Variants in TRIM66 observed in about 807,000 individuals in gnomAD.
The protein encoded by TRIM66 is tripartite motif-containing protein 66.
A neutral mutation model predicts 148.2 loss-of-function variants in TRIM66; 99 were observed. The ratio of observed to expected loss-of-function variants is 0.67; its 90% CI spans 0.57 to 0.79. The LOEUF is 0.79. Among genes scored for constraint, TRIM66 ranks in the 30% least tolerant of loss-of-function variants. The pLI, the probability that TRIM66 is intolerant of heterozygous loss-of-function variation, is 0.00. For missense variants in TRIM66, 1,666 were observed against 1,697.9 expected (o/e 0.98, Z 0.33); for synonymous variants, 616 against 635.9 (o/e 0.97, Z 0.47).
intron 6 of TRIM66, among the ~76,000 whole-genome samples, chr11:8,662,808 C>T (rs576479447): frequency 2.0e-5 from 3 of 152,200 alleles, no homozygotes; most frequent in Non-Finnish European, 4.4e-5. Context: ...TCAATTCCCT[C>T]TTCCCTTTCC....
chr11:8,666,641 A>G (rs898827453), intron 6 of TRIM66, among the ~76,000 whole-genome samples: 1 of 152,214 alleles, frequency 6.6e-6, no homozygotes, highest in Admixed American at 6.5e-5. Flanking sequence ...CAGGCAAAAA[A>G]AACCTCTTGG....
intron 8 of TRIM66, 150 bp downstream of exon 8, chr11:8,649,590 T>C (rs749606119): frequency 4.9e-4 from 548 of 1,117,352 alleles, no homozygotes; most frequent in Admixed American, 6.5e-4. Context: ...CCTTTGACTC[T>C]GAAGGAGACT....
At chr11:8,642,836 T>TC (rs2036514034) in intron 13 of TRIM66, among the ~76,000 whole-genome samples, 173 bp downstream of exon 13, 1 of 66,642 alleles carries the variant, frequency 1.5e-5, no homozygotes, top group African/African-American at 6.3e-5. Context: ...CCTCTCCTCT[T>TC]CCCCCTCAAA....
intron 1 of TRIM66, among the ~76,000 whole-genome samples, chr11:8,681,335 G>T (rs1156499104): frequency 6.6e-6 from 1 of 151,856 alleles, no homozygotes; most frequent in Non-Finnish European, 1.5e-5. Flanking sequence ...GGGTTTCACC[G>T]TGTTAGCCAG....
At chr11:8,673,105 A>G (rs2039019517) in intron 4 of TRIM66, among the ~76,000 whole-genome samples, 1 of 148,678 alleles carries the variant, frequency 6.7e-6, no homozygotes. Flanking sequence ...GCCCTGGCTA[A>G]TTTTTTTTGT....
rs536341717 is a variant in TRIM66, at chr11:8,664,054, G to A, written c.340+7732C>T. On this transcript the variant is annotated intron_variant, in intron 6 of 24. Transcript: ENST00000646038. ...TTAGATAGCAGGAGTCAGTTCAAGA[G>A]ATCCATTGTACAGCATGATAAGTAT... Among the ~76,000 whole-genome samples, 5 of 152,282 alleles carry A rather than the reference G, an allele frequency of 3.3e-5. No homozygotes were observed. The East Asian group carries it at 9.7e-4, about 29-fold the overall frequency.
chr11:8,647,269 A>G (rs1255548918), intron 10 of TRIM66, among the ~76,000 whole-genome samples: 1 of 152,192 alleles, frequency 6.6e-6, no homozygotes, highest in African/African-American at 2.4e-5. Flanking sequence ...TACGTAGATT[A>G]TATCTCAGTA....
intron 22 of TRIM66, 134 bp from the exon 23 acceptor site, chr11:8,619,669 C>A (rs774330109): frequency 5.4e-6 from 5 of 922,342 alleles, no homozygotes; most frequent in African/African-American, 1.7e-5. Context: ...TGATGAGGAG[C>A]AGCAGGAAGA....
chr11:8,612,530 C>T lies in TRIM66; in HGVS notation c.*5414G>A, dbSNP rs1345898338. 1.3e-5 allele frequency: 2 copies of T among 152,186 alleles called. No individual in the cohort carries two copies. Among genetic ancestry groups the T allele is most frequent in the Non-Finnish European group, 2.9e-5 (2 of 68,040 alleles). 9.4% of individuals were successfully genotyped at this position (152,186 alleles called of 1,614,324 possible). A position where few individuals can be genotyped will look rare whatever the true frequency, so the allele number is the denominator to read the frequency against. On this transcript the variant is annotated 3_prime_UTR_variant, in exon 25 of 25. Coordinates refer to ENST00000646038, the MANE Select transcript of TRIM66 (RefSeq NM_001388022.1). ...AGAGCCAAAAATTTTGGTGTTCAGA[C>T]TCTCAAATCAGATATCTTTCTAGTA... is the stretch of plus-strand genomic sequence containing the variant.
chr11:8,641,035 G>T lies in TRIM66; in HGVS notation c.1340C>A (p.Ala447Asp), dbSNP rs930313607. 50 of 1,551,568 alleles carry T rather than the reference G, an allele frequency of 3.2e-5. No homozygotes were observed. The highest frequency in any genetic ancestry group is 4.2e-5 in the Non-Finnish European group (48 of 1,146,996). The change falls in exon 14 of 25, where the codon GCT becomes GAT. Residue 447 changes from alanine (A) to aspartate (D), a missense_variant. By Grantham distance (126) the Ala-to-Asp change is moderately radical (BLOSUM62 -2). Around this residue, in one of 3 missense-constraint regions of TRIM66, gnomAD observed 1,431 missense variants for 1,412.4 expected, o/e 1.01. Transcript: ENST00000646038. ...SHQSPVAQQE[A>D]LSHPSHKFQS... ...GAACTTGTGTGAGGGGTGGCTAAGA[G>T]CCTCTTGCTGAGCCACTGGAGACTG...
chr11:8,650,489 G>A (rs1362530825), intron 7 of TRIM66, among the ~76,000 whole-genome samples: 1 of 149,310 alleles, frequency 6.7e-6, no homozygotes. Flanking sequence ...GGAAGGGAAG[G>A]AGGGAGGGAG....
chr11:8,673,041 G>A (rs1482952377), intron 4 of TRIM66, among the ~76,000 whole-genome samples: 1 of 149,286 alleles, frequency 6.7e-6, no homozygotes, highest in African/African-American at 2.5e-5. Context: ...CCAGGTTCAC[G>A]CCATTCTTCT....
At position 8,617,485 on chromosome 11, in the gene TRIM66, G is replaced by C. The variant is rs1200683520; in HGVS notation, c.*459C>G. 1 of 160,048 alleles carries C rather than the reference G, an allele frequency of 6.2e-6. No individual in the cohort carries two copies. The highest frequency in any genetic ancestry group is 1.8e-4 in the East Asian group (1 of 5,628). 9.9% of individuals were successfully genotyped at this position (160,048 alleles called of 1,614,324 possible). A position where few individuals can be genotyped will look rare whatever the true frequency, so the allele number is the denominator to read the frequency against. On this transcript the variant is annotated 3_prime_UTR_variant, in exon 25 of 25. Coordinates refer to ENST00000646038, the MANE Select transcript of TRIM66 (RefSeq NM_001388022.1). ...ACAGTGACAGTCTTTGGCTGTGCTG[G>C]GCCAGGGATCACAGTCCTGCCATAT...
Position 8,612,724 on chromosome 11 carries a change from T to G in TRIM66, c.*5220A>C, listed in dbSNP as rs1185582649. ...GGAGCAGCCACCGCGCTCCCTAGTCTCCCTCCATCCGAATGTTATCAGCAG... is the reference window on the plus strand; with the variant it reads ...GGAGCAGCCACCGCGCTCCCTAGTCGCCCTCCATCCGAATGTTATCAGCAG... On this transcript the variant is annotated 3_prime_UTR_variant, in exon 25 of 25. Coordinates refer to ENST00000646038, the MANE Select transcript of TRIM66 (RefSeq NM_001388022.1). 6.6e-6 allele frequency: 1 copy of G among 152,254 alleles called. No individual in the cohort carries two copies. Among genetic ancestry groups the G allele is most frequent in the Admixed American group, 6.5e-5 (1 of 15,270 alleles). The allele number at this position is 152,254 out of a possible 1,614,324, so 9.4% of individuals were successfully genotyped here. A position where few individuals can be genotyped will look rare whatever the true frequency, so the allele number is the denominator to read the frequency against.
chr11:8,620,343 G>T, intron 21 of TRIM66, 103 bp downstream of exon 21: 1 of 1,485,468 alleles, frequency 6.7e-7, no homozygotes. Flanking sequence ...ACGAAGAAAT[G>T]TATCCAGAAA....
chr11:8,625,327 C>T, intron 15 of TRIM66, 99 bp from the exon 16 acceptor site: 1 of 1,387,170 alleles, frequency 7.2e-7, no homozygotes. Context: ...TGCTCCAATT[C>T]CACTCTGGCT....
rs1340289171 is a variant in TRIM66 at position 8,615,691 on chromosome 11, C to T, written c.*2253G>A. On this transcript the variant is annotated 3_prime_UTR_variant, in exon 25 of 25. Transcript: ENST00000646038. ...CAGGCTCTCTACGATGAGAAGGGAG[C>T]ATGTGTCTCTCTAGCACATTACTAA... is the stretch of plus-strand genomic sequence containing the variant. The T allele has an allele frequency of 6.6e-6, 1 of 152,144 alleles. No individual in the cohort carries two copies. The highest frequency in any genetic ancestry group is 1.5e-5 in the Non-Finnish European group (1 of 68,056). The allele number at this position is 152,144 out of a possible 1,614,324, so 9.4% of individuals were successfully genotyped here.
In TRIM66 at chr11:8,643,084, T is replaced by C. The variant is rs374466801; in HGVS notation, c.1147A>G (p.Thr383Ala). The C allele has an allele frequency of 4.5e-6, 7 of 1,551,182 alleles. No individual in the cohort carries two copies. Among genetic ancestry groups the C allele is most frequent in the Admixed American group, 3.9e-5 (2 of 50,920 alleles). ...ATACTCCAAGGGGAGCCAGGATCTG[T>C]GTTACAACTTGTCTCCAGCAATCGC... ...MQRLLETSCN[T>A]DPGSPWSIRF... The change falls in exon 13 of 25, where the codon ACA becomes GCA. Residue 383 changes from threonine (T) to alanine (A), a missense_variant. Around this residue, in one of 3 missense-constraint regions of TRIM66, gnomAD observed 1,431 missense variants for 1,412.4 expected, o/e 1.01. Transcript: ENST00000646038.
At chr11:8,625,577 C>T (rs11042016) in intron 15 of TRIM66, among the ~76,000 whole-genome samples, 87,535 of 151,672 alleles carry the variant, frequency 0.58, 25,807 homozygotes, top group Non-Finnish European at 0.64. Context: ...GACACACACA[C>T]ACACAGCCAT....
Sources: gnomAD v4.1 joint callset for allele counts (sites outside exome capture counted in the v4.1 genomes callset) on GRCh38, gnomAD v4.1.1 for gene constraint, gnomAD v4.1.1 regional missense constraint, MANE v1.5 for transcripts, NCBI Gene and HGNC (gene_info 2026-07-23, HGNC 2026-07-21) for gene names.